METTL16: variants seen among roughly 807,000 people sequenced by gnomAD.
METTL16 encodes methyltransferase 16, RNA N6-adenosine.
METTL16 carries 19 observed loss-of-function variants against 57.9 expected under a neutral mutation model. The observed-to-expected ratio is 0.33, with a 90% CI of 0.23 to 0.48. The LOEUF (loss-of-function observed/expected upper bound fraction) is 0.48. Ranked by LOEUF, METTL16 falls within the 20% of genes least tolerant of loss-of-function variation. The pLI is 0.99. For missense variants in METTL16, 434 were observed against 691.5 expected (o/e 0.63, Z 4.18); for synonymous variants, 246 against 255.6 (o/e 0.96, Z 0.36).
At chr17:2,503,879 T>C (rs1006734580) in intron 1 of METTL16, among the ~76,000 whole-genome samples, 2 of 151,982 alleles carry the variant, frequency 1.3e-5, no homozygotes, top group Non-Finnish European at 2.9e-5. Flanking sequence ...ACACTAAATA[T>C]GGATCAACAA....
intron 6 of METTL16, among the ~76,000 whole-genome samples, chr17:2,442,401 T>C (rs747577410): frequency 8.6e-5 from 13 of 151,772 alleles, no homozygotes; most frequent in Admixed American, 3.3e-4. Context: ...GCTGAGTTGA[T>C]GAGACACAGA....
chr17:2,457,517 G>A (rs60184318), intron 6 of METTL16, among the ~76,000 whole-genome samples: 18,236 of 151,816 alleles, frequency 0.12, 3,499 homozygotes, highest in African/African-American at 0.41. Flanking sequence ...AGACCAGCCT[G>A]GCCAACACGC....
intron 2 of METTL16, among the ~76,000 whole-genome samples, chr17:2,486,302 C>T (rs182766658): frequency 1.3e-5 from 2 of 151,024 alleles, no homozygotes; most frequent in South Asian, 2.1e-4. Flanking sequence ...GACAGAGTCT[C>T]GCTCTGTCAC....
chr17:2,442,872 G>A (rs1485034058), intron 6 of METTL16, among the ~76,000 whole-genome samples: 1 of 151,668 alleles, frequency 6.6e-6, no homozygotes, highest in Non-Finnish European at 1.5e-5. Context: ...CTGTTGCCCA[G>A]GCTGGAGTGC....
intron 1 of METTL16, among the ~76,000 whole-genome samples, chr17:2,505,728 CTT>C (rs2067528037): frequency 6.6e-6 from 1 of 152,056 alleles, no homozygotes; most frequent in Non-Finnish European, 1.5e-5. Flanking sequence ...TGCATCCACT[CTT>C]GTTCTCACCA....
chr17:2,499,511 T>C (rs751438820), intron 2 of METTL16, among the ~76,000 whole-genome samples: 111 of 152,148 alleles, frequency 7.3e-4, no homozygotes, highest in Admixed American at 1.4e-3. Flanking sequence ...CATCCACGTA[T>C]ATCACTATGA....
intron 2 of METTL16, among the ~76,000 whole-genome samples, chr17:2,497,527 G>C (rs1390309375): frequency 6.6e-6 from 1 of 151,122 alleles, no homozygotes; most frequent in Non-Finnish European, 1.5e-5. Context: ...TGCCCAGGAT[G>C]ATCTCAAACT....
intron 2 of METTL16, among the ~76,000 whole-genome samples, chr17:2,493,665 G>C (rs1260709865): frequency 6.7e-6 from 1 of 149,424 alleles, no homozygotes; most frequent in African/African-American, 2.5e-5. Flanking sequence ...GTTGCAGTGA[G>C]CCGAGATTGG....
chr17:2,427,404 A>G (rs750557662), intron 8 of METTL16, among the ~76,000 whole-genome samples: 14 of 152,246 alleles, frequency 9.2e-5, no homozygotes, highest in Non-Finnish European at 2.1e-4. Context: ...CTCCATGCAG[A>G]AAATTCAGAG....
At chr17:2,477,191 A>G (rs1312790114) in intron 3 of METTL16, among the ~76,000 whole-genome samples, 1 of 152,144 alleles carries the variant, frequency 6.6e-6, no homozygotes, top group Non-Finnish European at 1.5e-5. Flanking sequence ...AAATTTTTAA[A>G]TTAAAAAAAT....
At chr17:2,439,712 C>T (rs1161159890) in intron 7 of METTL16, among the ~76,000 whole-genome samples, 1 of 152,146 alleles carries the variant, frequency 6.6e-6, no homozygotes, top group Non-Finnish European at 1.5e-5. Flanking sequence ...TCTGGCTTCT[C>T]TCTGACATTC....
intron 6 of METTL16, among the ~76,000 whole-genome samples, chr17:2,447,728 C>T (rs2067017687): frequency 7.0e-6 from 1 of 143,266 alleles, no homozygotes; most frequent in Non-Finnish European, 1.5e-5. Context: ...CCCCGCCCGG[C>T]CAGCCGCCCA....
chr17:2,446,843 G>C (rs1567888825), intron 6 of METTL16, among the ~76,000 whole-genome samples: 1 of 152,022 alleles, frequency 6.6e-6, no homozygotes, highest in Non-Finnish European at 1.5e-5. Context: ...TCGGCCTCCC[G>C]GGGTGCCGGG....
chr17:2,428,391 C>T (rs2066835409), intron 8 of METTL16, among the ~76,000 whole-genome samples: 2 of 151,082 alleles, frequency 1.3e-5, no homozygotes, highest in South Asian at 2.1e-4. Flanking sequence ...TGGCCAAAGG[C>T]GGTTAACTGT....
At chr17:2,511,578 T>C (rs1364877611) in intron 1 of METTL16, among the ~76,000 whole-genome samples, 181 bp downstream of exon 1, 2 of 151,948 alleles carry the variant, frequency 1.3e-5, no homozygotes, top group South Asian at 2.1e-4. Flanking sequence ...ATTCGCCAAC[T>C]CCTCCCACTC....
intron 2 of METTL16, among the ~76,000 whole-genome samples, chr17:2,486,414 G>GC (rs2067341670): frequency 6.6e-6 from 1 of 151,888 alleles, no homozygotes; most frequent in African/African-American, 2.4e-5. Flanking sequence ...TGGGACTACA[G>GC]GCATGTACCA....
intron 8 of METTL16, among the ~76,000 whole-genome samples, chr17:2,430,042 A>G (rs140652873): frequency 0.061 from 9,066 of 148,700 alleles, 511 homozygotes; most frequent in Non-Finnish European, 0.095. Flanking sequence ...TCAAACTCCT[A>G]ACCTCAGTTG....
intron 2 of METTL16, 48 bp from the exon 3 acceptor site, chr17:2,477,933 T>C (rs1338791935): frequency 1.3e-6 from 2 of 1,518,536 alleles, no homozygotes; most frequent in East Asian, 2.3e-5. Flanking sequence ...AGATTCACTA[T>C]GTTGTACAAG....
chr17:2,428,417 G>C (rs1037485802), intron 8 of METTL16, among the ~76,000 whole-genome samples: 3 of 150,418 alleles, frequency 2.0e-5, no homozygotes, highest in African/African-American at 7.3e-5. Context: ...AGTAGAGATA[G>C]TAAGTGTAAT....
Sources: gnomAD v4.1 joint callset for allele counts (sites outside exome capture counted in the v4.1 genomes callset) on GRCh38, gnomAD v4.1.1 for gene constraint, MANE v1.5 for transcripts, NCBI Gene and HGNC (gene_info 2026-07-23, HGNC 2026-07-21) for gene names.